GRHL2: variants seen among roughly 807,000 people sequenced by gnomAD.
The protein encoded by GRHL2 is grainyhead-like protein 2 homolog.
GRHL2 carries 21 observed loss-of-function variants against 83.8 expected under a neutral mutation model. The observed-to-expected ratio is 0.25, with a 90% CI of 0.18 to 0.36. The LOEUF is 0.36. Among genes scored for constraint, GRHL2 ranks in the 10% least tolerant of loss-of-function variants. GRHL2 has a pLI of 1.00. For missense variants in GRHL2, 623 were observed against 781.8 expected (o/e 0.80, Z 2.42); for synonymous variants, 280 against 278.9 (o/e 1.00, Z -0.04).
At chr8:101,663,813 G>A (rs560809367) in intron 14 of GRHL2, among the ~76,000 whole-genome samples, 3 of 151,546 alleles carry the variant, frequency 2.0e-5, no homozygotes, top group Admixed American at 1.3e-4. Flanking sequence ...TGATTTGCAG[G>A]AGTTCTTTTT....
chr8:101,612,700 G>A (rs1298625817), intron 8 of GRHL2, among the ~76,000 whole-genome samples: 1 of 150,816 alleles, frequency 6.6e-6, no homozygotes, highest in African/African-American at 2.5e-5. Flanking sequence ...CTCTTAGGAG[G>A]TATTGTTTAT....
intron 7 of GRHL2, among the ~76,000 whole-genome samples, chr8:101,590,470 A>G (rs1000323365): frequency 6.6e-6 from 1 of 152,180 alleles, no homozygotes; most frequent in Non-Finnish European, 1.5e-5. Flanking sequence ...ATGTTTGAGG[A>G]CAGATGGGAG....
chr8:101,654,681 A>C (rs1229612024), intron 14 of GRHL2, among the ~76,000 whole-genome samples: 1 of 152,194 alleles, frequency 6.6e-6, no homozygotes, highest in Non-Finnish European at 1.5e-5. Context: ...GCAACTTAGG[A>C]TTGAGTCAGA....
At chr8:101,643,816 G>A (rs1323579814) in intron 12 of GRHL2, among the ~76,000 whole-genome samples, 1 of 152,242 alleles carries the variant, frequency 6.6e-6, no homozygotes, top group Non-Finnish European at 1.5e-5. Flanking sequence ...CCCCAGCCCC[G>A]ATCTTGAGCA....
At position 101,592,019 on chromosome 8, in the gene GRHL2, G is replaced by A. The variant is rs1202456606; in HGVS notation, c.1004-7038G>A. Reference sequence around the variant, plus strand: ...TCCTAAGAAGGGAAATCTGAGAAACGAAGGGGAACTGTCACATGGACTTCA... The same window carrying A: ...TCCTAAGAAGGGAAATCTGAGAAACAAAGGGGAACTGTCACATGGACTTCA... On this transcript the variant is annotated intron_variant, in intron 7 of 15. Transcript: ENST00000646743. Among the ~76,000 whole-genome samples, 4 of 151,840 alleles carry A rather than the reference G, an allele frequency of 2.6e-5. No individual in the cohort carries two copies. The East Asian group carries it at 7.7e-4, about 29-fold the overall frequency.
At chr8:101,509,157 C>CTTTCTTTTTCTTTCTTTCTTTTCTCTCT (rs1554581566) in intron 1 of GRHL2, among the ~76,000 whole-genome samples, 1 of 27,406 alleles carries the variant, frequency 3.6e-5, no homozygotes, top group Non-Finnish European at 1.1e-4. Flanking sequence ...TTCCTTCCTT[C>CTTTCTTTTTCTTTCTTTCTTTTCTCTCT]CTTTCTTTCT....
At chr8:101,560,628 A>G (rs556943186) in intron 4 of GRHL2, among the ~76,000 whole-genome samples, 2 of 152,304 alleles carry the variant, frequency 1.3e-5, no homozygotes, top group Non-Finnish European at 2.9e-5. Flanking sequence ...CCTACCAGCA[A>G]CGTATGAGGA....
chr8:101,632,745 A>G (rs145494504), intron 11 of GRHL2, among the ~76,000 whole-genome samples: 252 of 152,366 alleles, frequency 1.7e-3, no homozygotes, highest in African/African-American at 5.7e-3. Context: ...ATAAAGTTGC[A>G]CAAGAGGGAA....
the GRHL2 span, among the ~76,000 whole-genome samples, chr8:101,676,959 G>A: frequency 7.9e-5 from 12 of 151,720 alleles, no homozygotes; most frequent in African/African-American, 2.7e-4. Flanking sequence ...ACTGTTGCAA[G>A]GACAAAAAAA....
chr8:101,547,543 G>T (rs531941732), intron 2 of GRHL2, among the ~76,000 whole-genome samples: 2 of 152,110 alleles, frequency 1.3e-5, no homozygotes, highest in South Asian at 4.2e-4. Flanking sequence ...TAAATTTCAA[G>T]GTCTTTTCAC....
chr8:101,678,007 C>T, the GRHL2 span, among the ~76,000 whole-genome samples: 4 of 152,112 alleles, frequency 2.6e-5, no homozygotes, highest in Middle Eastern at 3.2e-3. Flanking sequence ...TCTGTTTCTT[C>T]GGCCACCTCA....
chr8:101,655,685 C>A (rs2129729663), intron 14 of GRHL2, among the ~76,000 whole-genome samples: 1 of 152,268 alleles, frequency 6.6e-6, no homozygotes, highest in East Asian at 1.9e-4. Context: ...GACTATTTTT[C>A]TTTTCATTTG....
Position 101,631,675 on chromosome 8 carries a change from G to A in GRHL2, c.1296G>A (p.Gln432=), listed in dbSNP as rs1385708999. The A allele has an allele frequency of 1.9e-6, 3 of 1,613,634 alleles. No homozygotes were observed. Among genetic ancestry groups the A allele is most frequent in the Non-Finnish European group, 2.5e-6 (3 of 1,179,788 alleles). ...AAATCCGAGATGAAGAGCGGAAGCA[G>A]AACAGGAAGAAAGGGAAAGGCCAGG... is the stretch of plus-strand genomic sequence containing the variant. ...ERKIRDEERK[Q]NRKKGKGQAS... is the part of the protein sequence containing the mutation. Residue 432 remains glutamine, a synonymous_variant, in exon 10 of 16, where the codon CAG becomes CAA. Transcript: ENST00000646743.
chr8:101,492,700 A>G lies in GRHL2; in HGVS notation c.-70A>G. ...CGCTCTCACACACCTTCACCTGCACAGACTTGAAAGTCCAGTTTCACCAGA... is the reference window on the plus strand; with the variant it reads ...CGCTCTCACACACCTTCACCTGCACGGACTTGAAAGTCCAGTTTCACCAGA... On this transcript the variant is annotated 5_prime_UTR_variant, in exon 1 of 16. Coordinates refer to ENST00000646743, the MANE Select transcript of GRHL2 (RefSeq NM_024915.4). 7.2e-7 allele frequency: 1 copy of G among 1,396,194 alleles called. No individual in the cohort carries two copies. The highest frequency in any genetic ancestry group is 1.2e-5 in the South Asian group (1 of 86,954). The allele number at this position is 1,396,194 out of a possible 1,614,324, so 86.5% of individuals were successfully genotyped here.
rs183683259 is a variant in GRHL2 at position 101,636,358 on chromosome 8, G to A, written c.1486-539G>A. On this transcript the variant is annotated intron_variant, in intron 11 of 15. Transcript: ENST00000646743. The stretch of plus-strand genomic sequence containing the variant: ...TTGACTCCCAAATTTCTGTGGTTGC[G>A]GGATGCCAGGATACCCCGGGCCCCT... Among the ~76,000 whole-genome samples the A allele has an allele frequency of 1.4e-4, 22 of 152,174 alleles. No homozygotes were observed. The East Asian group carries it at 1.7e-3, about 12-fold the overall frequency.
intron 1 of GRHL2, among the ~76,000 whole-genome samples, chr8:101,499,677 A>G (rs2129965480): frequency 6.6e-6 from 1 of 152,282 alleles, no homozygotes; most frequent in Admixed American, 6.5e-5. Context: ...AGTATAAGAA[A>G]AGCCTTACCC....
At chr8:101,574,390 A>T (rs1038666849) in intron 6 of GRHL2, among the ~76,000 whole-genome samples, 1 of 152,230 alleles carries the variant, frequency 6.6e-6, no homozygotes, top group Non-Finnish European at 1.5e-5. Flanking sequence ...CCTTCTCTGG[A>T]AGCCTGCCAG....
At chr8:101,547,663 G>C (rs1811293772) in intron 2 of GRHL2, among the ~76,000 whole-genome samples, 1 of 152,332 alleles carries the variant, frequency 6.6e-6, no homozygotes, top group South Asian at 2.1e-4. Flanking sequence ...GGACAATCCT[G>C]TATGTTTCCT....
At chr8:101,515,412 C>T (rs1349634159) in intron 1 of GRHL2, among the ~76,000 whole-genome samples, 5 of 152,148 alleles carry the variant, frequency 3.3e-5, no homozygotes, top group Non-Finnish European at 4.4e-5. Flanking sequence ...ACTTAAGTCA[C>T]GGATTCTGTC....
Sources: gnomAD v4.1 joint callset for allele counts (sites outside exome capture counted in the v4.1 genomes callset) on GRCh38, gnomAD v4.1.1 for gene constraint, MANE v1.5 for transcripts, NCBI Gene and HGNC (gene_info 2026-07-23, HGNC 2026-07-21) for gene names.